Variants in CCDC85A observed in about 807,000 individuals in gnomAD.
CCDC85A encodes coiled-coil domain containing 85A.
A neutral mutation model predicts 50.2 loss-of-function variants in CCDC85A; 38 were observed. The observed-to-expected ratio is 0.76, with a 90% CI of 0.58 to 0.99. The LOEUF (loss-of-function observed/expected upper bound fraction) is 0.99. Ranked by LOEUF, CCDC85A falls within the 50% of genes least tolerant of loss-of-function variation. The probability of loss-of-function intolerance (pLI) is 0.00; values close to 1 mark genes in which losing one functional copy is unlikely to be tolerated. For synonymous variants in CCDC85A, 366 were observed against 301.4 expected, an observed-to-expected ratio of 1.21 and a Z score of -2.22; for missense variants, 820 against 742.0, an observed-to-expected ratio of 1.11 and a Z score of -1.22.
chr2:56,327,116 T>C (rs575916154), intron 2 of CCDC85A, among the ~76,000 whole-genome samples: 11 of 152,138 alleles, frequency 7.2e-5, no homozygotes, highest in Non-Finnish European at 1.5e-4. Flanking sequence ...CCACAAATGT[T>C]TGTGTAATGA....
Position 56,192,799 on chromosome 2 carries a change from C to A in CCDC85A, c.599C>A (p.Thr200Asn). ...AGCCTGTGCCAACTCACAGCCTCCACCGCACCCTACGTGCGGGATGTGGGT... is the reference window on the plus strand; with the variant it reads ...AGCCTGTGCCAACTCACAGCCTCCAACGCACCCTACGTGCGGGATGTGGGT... ...QASLCQLTAS[T>N]APYVRDVGDG... Residue 200 changes from threonine to asparagine, a missense_variant, in exon 2 of 6, where the codon ACC (threonine) becomes AAC (asparagine). Thr to Asn is a moderately conservative substitution (Grantham distance 65). Transcript: ENST00000407595. This position sits in a 1 kb window ranked among gnomAD's most constrained non-coding sequence, Gnocchi z 4.7. 6.2e-7 allele frequency: 1 copy of A among 1,613,350 alleles called. No homozygotes were observed.
chr2:56,209,687 C>T (rs183444216), intron 2 of CCDC85A, among the ~76,000 whole-genome samples: 40 of 152,000 alleles, frequency 2.6e-4, no homozygotes, highest in East Asian at 2.1e-3. Flanking sequence ...AGTTAGGTTG[C>T]GATTTTGACT....
intron 3 of CCDC85A, among the ~76,000 whole-genome samples, chr2:56,364,766 G>T (rs1675706390): frequency 6.6e-6 from 1 of 152,150 alleles, no homozygotes; most frequent in South Asian, 2.1e-4. Flanking sequence ...AGACATTAAA[G>T]TTCATAGGGT....
intron 2 of CCDC85A, among the ~76,000 whole-genome samples, chr2:56,198,346 C>T (rs1231355506): frequency 6.6e-6 from 1 of 152,326 alleles, no homozygotes; most frequent in East Asian, 1.9e-4. Context: ...AGTTATGGAA[C>T]ACCAGAACTG....
intron 2 of CCDC85A, among the ~76,000 whole-genome samples, chr2:56,209,730 G>C (rs17047588): frequency 0.01 from 1,523 of 152,034 alleles, 27 homozygotes; most frequent in African/African-American, 0.034. Context: ...TGTAAGGGAA[G>C]GTAAGATCAA....
At chr2:56,186,575 T>C (rs1053000756) in intron 1 of CCDC85A, among the ~76,000 whole-genome samples, 3 of 152,244 alleles carry the variant, frequency 2.0e-5, no homozygotes, top group Admixed American at 2.0e-4. Flanking sequence ...TAGTTTGTCA[T>C]CCTCTAATTT....
In CCDC85A at chr2:56,381,341, A is replaced by G. The variant is rs1037844589; in HGVS notation, c.1573-2925A>G. Among the ~76,000 whole-genome samples the G allele has an allele frequency of 3.3e-5, 5 of 152,082 alleles. No homozygotes were observed. In the South Asian group the frequency reaches 6.2e-4, roughly 19 times the overall value. On this transcript the variant is annotated intron_variant, in intron 5 of 5. Coordinates refer to ENST00000407595, the MANE Select transcript of CCDC85A (RefSeq NM_001080433.2). The stretch of plus-strand genomic sequence containing the variant: ...TACCTAGGAATGCCTGTTGCTTCTC[A>G]TCTATTGACTATGGAATGAGAGAGA...
At chr2:56,345,031 G>A (rs1674567203) in intron 3 of CCDC85A, among the ~76,000 whole-genome samples, 1 of 152,120 alleles carries the variant, frequency 6.6e-6, no homozygotes, top group East Asian at 1.9e-4. Flanking sequence ...AATCAGAAGA[G>A]TCCTTAACTA....
At chr2:56,343,565 G>T (rs546117817) in intron 3 of CCDC85A, among the ~76,000 whole-genome samples, 64 of 152,244 alleles carry the variant, frequency 4.2e-4, no homozygotes, top group Admixed American at 7.2e-4. Flanking sequence ...CTTTCCATGG[G>T]CTGTTAACTT....
chr2:56,301,667 A>G (rs1040200196), intron 2 of CCDC85A, among the ~76,000 whole-genome samples: 3 of 152,188 alleles, frequency 2.0e-5, no homozygotes, highest in African/African-American at 7.2e-5. Context: ...CAGACATTTT[A>G]TGCATAAGGA....
At chr2:56,194,993 A>G (rs982844215) in intron 2 of CCDC85A, among the ~76,000 whole-genome samples, 5 of 152,140 alleles carry the variant, frequency 3.3e-5, no homozygotes, top group African/African-American at 9.7e-5. Flanking sequence ...TTGTCTTTGA[A>G]GAGGGGATAG....
chr2:56,209,435 T>TC (rs397794308), intron 2 of CCDC85A, among the ~76,000 whole-genome samples: 5 of 150,922 alleles, frequency 3.3e-5, no homozygotes, highest in Non-Finnish European at 5.9e-5. Context: ...TTTTTTTTTT[T>TC]CTCCTTTTTC....
At chr2:56,325,331 A>G (rs1367117980) in intron 2 of CCDC85A, among the ~76,000 whole-genome samples, 3 of 152,058 alleles carry the variant, frequency 2.0e-5, no homozygotes, top group African/African-American at 7.2e-5. Flanking sequence ...AGTTTATTGT[A>G]TTTACCCTGG....
intron 2 of CCDC85A, among the ~76,000 whole-genome samples, chr2:56,238,249 C>T (rs1023287365): frequency 2.6e-5 from 4 of 152,044 alleles, no homozygotes; most frequent in African/African-American, 4.8e-5. Context: ...AACCCCGTCT[C>T]TACTAAAAAT....
chr2:56,371,192 G>A (rs1676053812), intron 3 of CCDC85A, among the ~76,000 whole-genome samples: 1 of 152,246 alleles, frequency 6.6e-6, no homozygotes, highest in African/African-American at 2.4e-5. Flanking sequence ...TAGAGTATGT[G>A]TGACTTATTT....
At chr2:56,329,391 T>C (rs1316771169) in intron 2 of CCDC85A, among the ~76,000 whole-genome samples, 1 of 152,212 alleles carries the variant, frequency 6.6e-6, no homozygotes, top group East Asian at 1.9e-4. Flanking sequence ...TCTTGTTTGC[T>C]TATTTTTCAA....
intron 2 of CCDC85A, among the ~76,000 whole-genome samples, chr2:56,251,248 C>T (rs969215020): frequency 6.6e-6 from 1 of 152,190 alleles, no homozygotes; most frequent in African/African-American, 2.4e-5. Context: ...GGCAGCAAAT[C>T]CTTTGTGAGC....
At chr2:56,325,120 A>G (rs1192387949) in intron 2 of CCDC85A, among the ~76,000 whole-genome samples, 1 of 152,102 alleles carries the variant, frequency 6.6e-6, no homozygotes, top group African/African-American at 2.4e-5. Flanking sequence ...CGATTTTATA[A>G]TACAGCACAT....
intron 2 of CCDC85A, among the ~76,000 whole-genome samples, chr2:56,229,188 G>A (rs1221723289): frequency 6.6e-6 from 1 of 152,108 alleles, no homozygotes; most frequent in Non-Finnish European, 1.5e-5. Flanking sequence ...CCTTGGATGG[G>A]TATATCCAAA....
Sources: allele counts gnomAD v4.1 joint callset (sites outside exome capture counted in the v4.1 genomes callset), GRCh38; gene constraint gnomAD v4.1.1; non-coding constraint Gnocchi (gnomAD v3.1); transcripts MANE v1.5; gene names NCBI Gene and HGNC (gene_info 2026-07-23, HGNC 2026-07-21).